The following CNTN6 variants were observed in gnomAD, a reference collection of about 807,000 sequenced individuals.
CNTN6 encodes contactin 6, also known as contactin-6.
Under a neutral mutation model 122.8 loss-of-function variants are expected in CNTN6, and 137 were observed. The observed-to-expected ratio is 1.12, with a 90% CI of 0.97 to 1.29. The LOEUF is 1.29. CNTN6 is among the 50% of genes most tolerant of loss of function. The pLI, the probability that CNTN6 is intolerant of heterozygous loss-of-function variation, is 0.00. For missense variants in CNTN6, 1,634 were observed against 1,223.4 expected, an observed-to-expected ratio of 1.34 and a Z score of -5.01; for synonymous variants, 570 against 426.0, an observed-to-expected ratio of 1.34 and a Z score of -4.16.
intron 2 of CNTN6, among the ~76,000 whole-genome samples, chr3:1,197,781 A>C (rs2093799675): frequency 6.6e-6 from 1 of 152,218 alleles, no homozygotes; most frequent in African/African-American, 2.4e-5. Flanking sequence ...CAAAAGGATT[A>C]AATTACATTA....
intron 2 of CNTN6, among the ~76,000 whole-genome samples, chr3:1,215,432 C>T (rs1317929256): frequency 7.2e-5 from 11 of 152,146 alleles, no homozygotes; most frequent in Non-Finnish European, 1.0e-4. Flanking sequence ...TGTTTTGTTG[C>T]TTGCCTATTC....
Position 1,338,589 on chromosome 3 carries a change from T to C in CNTN6, c.1364+8654T>C, listed in dbSNP as rs754914559. ...ATTCTATCTCACTGTTGAAGAGATA[T>C]AAATCCTTAGTTCTCCCCTTTTTGA... is the stretch of plus-strand genomic sequence containing the variant. On this transcript the variant is annotated intron_variant, in intron 11 of 22. Coordinates refer to ENST00000446702, the MANE Select transcript of CNTN6 (RefSeq NM_001289080.2). 1.4e-4 allele frequency among the ~76,000 whole-genome samples: 21 copies of C among 152,282 alleles called. No homozygotes were observed. In the South Asian group the frequency reaches 2.1e-3, roughly 15 times the overall value.
At chr3:1,289,651 C>CTTTTG (rs1258991566) in intron 5 of CNTN6, among the ~76,000 whole-genome samples, 2 of 146,984 alleles carry the variant, frequency 1.4e-5, no homozygotes, top group South Asian at 2.1e-4. Context: ...TGAGTTTTAT[C>CTTTTG]TTTTGTTTTG....
At chr3:1,378,673 C>G (rs1040585415) in intron 17 of CNTN6, among the ~76,000 whole-genome samples, 8 of 152,142 alleles carry the variant, frequency 5.3e-5, no homozygotes, top group African/African-American at 1.9e-4. Context: ...TCATATCATT[C>G]AGTCCCCACA....
At chr3:1,132,310 C>A (rs1476527895) in intron 1 of CNTN6, among the ~76,000 whole-genome samples, 1 of 152,140 alleles carries the variant, frequency 6.6e-6, no homozygotes, top group South Asian at 2.1e-4. Flanking sequence ...TTTGGGAGGT[C>A]AAGTTTATGC....
At chr3:1,380,593 G>T (rs1366495029) in intron 17 of CNTN6, among the ~76,000 whole-genome samples, 5 of 152,060 alleles carry the variant, frequency 3.3e-5, no homozygotes, top group Non-Finnish European at 5.9e-5. Flanking sequence ...CTGAGGGTTG[G>T]CACGCTTTTT....
At chr3:1,172,642 G>C (rs953446914) in intron 2 of CNTN6, among the ~76,000 whole-genome samples, 2 of 151,884 alleles carry the variant, frequency 1.3e-5, no homozygotes, top group African/African-American at 2.4e-5. Flanking sequence ...GTGTGTGTGT[G>C]TGTGTGTGTG....
At chr3:1,350,503 T>C (rs750496578) in intron 11 of CNTN6, among the ~76,000 whole-genome samples, 1 of 151,836 alleles carries the variant, frequency 6.6e-6, no homozygotes, top group Non-Finnish European at 1.5e-5. Context: ...ACTTAAGAAA[T>C]ATTGATGTGT....
chr3:1,293,697 T>C (rs995263673), intron 5 of CNTN6, among the ~76,000 whole-genome samples: 25 of 152,154 alleles, frequency 1.6e-4, no homozygotes, highest in African/African-American at 5.8e-4. Context: ...TGAGGGTCCA[T>C]CCAACTGAAG....
chr3:1,245,242 A>ATATATATATATAT, intron 4 of CNTN6, among the ~76,000 whole-genome samples: 1 of 13,966 alleles, frequency 7.2e-5, no homozygotes, highest in African/African-American at 5.5e-4. Context: ...ATATACACAC[A>ATATATATATATAT]CACATATATA....
intron 2 of CNTN6, among the ~76,000 whole-genome samples, chr3:1,191,875 T>C (rs2093707390): frequency 1.3e-5 from 2 of 152,198 alleles, no homozygotes; most frequent in Admixed American, 1.3e-4. Flanking sequence ...CCCATACATG[T>C]AATGTCAAAA....
chr3:1,139,076 A>T (rs1430857411), intron 1 of CNTN6, among the ~76,000 whole-genome samples: 1 of 151,910 alleles, frequency 6.6e-6, no homozygotes, highest in African/African-American at 2.4e-5. Context: ...ATTATTCTTC[A>T]CCTGTTTTTT....
At chr3:1,392,145 A>C (rs1489133634) in intron 20 of CNTN6, among the ~76,000 whole-genome samples, 3 of 152,274 alleles carry the variant, frequency 2.0e-5, no homozygotes, top group Non-Finnish European at 4.4e-5. Context: ...ACACTACCTG[A>C]CTTCAAACTA....
chr3:1,164,145 A>C (rs1476683582), intron 2 of CNTN6, among the ~76,000 whole-genome samples: 2 of 152,250 alleles, frequency 1.3e-5, no homozygotes, highest in African/African-American at 2.4e-5. Flanking sequence ...ACAGGTTAAC[A>C]GAGAGCTCGT....
intron 5 of CNTN6, among the ~76,000 whole-genome samples, chr3:1,281,467 T>C (rs1448782701): frequency 6.1e-5 from 2 of 32,570 alleles, no homozygotes; most frequent in Non-Finnish European, 1.9e-4. Context: ...AAGTTGACTT[T>C]TTTTTTTTTT....
intron 4 of CNTN6, among the ~76,000 whole-genome samples, chr3:1,228,487 C>T (rs1575325543): frequency 6.6e-6 from 1 of 152,164 alleles, no homozygotes; most frequent in African/African-American, 2.4e-5. Flanking sequence ...CAATGTCCAG[C>T]TGCATCACAT....
intron 20 of CNTN6, among the ~76,000 whole-genome samples, chr3:1,399,915 A>G (rs1695468323): frequency 6.6e-6 from 1 of 152,148 alleles, no homozygotes; most frequent in Non-Finnish European, 1.5e-5. Context: ...GTAAGCATAC[A>G]GGGAAACATT....
chr3:1,392,540 G>C (rs1298334687), intron 20 of CNTN6, among the ~76,000 whole-genome samples: 15 of 148,992 alleles, frequency 1.0e-4, no homozygotes, highest in Non-Finnish European at 2.0e-4. Flanking sequence ...GGCAACAAAA[G>C]ACAAAATTGA....
At chr3:1,385,030 A>G (rs904291291) in intron 19 of CNTN6, among the ~76,000 whole-genome samples, 1 of 151,736 alleles carries the variant, frequency 6.6e-6, no homozygotes, top group Non-Finnish European at 1.5e-5. Flanking sequence ...TTTTTTCTAT[A>G]CCACTTCTTT....
Sources: allele counts gnomAD v4.1 joint callset (sites outside exome capture counted in the v4.1 genomes callset), GRCh38; gene constraint gnomAD v4.1.1; transcripts MANE v1.5; gene names NCBI Gene and HGNC (gene_info 2026-07-23, HGNC 2026-07-21).